CCDC141: variants seen among roughly 807,000 people sequenced by gnomAD.
The protein encoded by CCDC141 is coiled-coil domain-containing protein 141.
A neutral mutation model predicts 181.0 loss-of-function variants in CCDC141; 168 were observed. The ratio of observed to expected loss-of-function variants is 0.93; its 90% CI spans 0.82 to 1.05. The LOEUF (loss-of-function observed/expected upper bound fraction) is 1.05, where lower values mean the gene tolerates loss of function less well. Ranked by LOEUF, CCDC141 falls within the 50% of genes least tolerant of loss-of-function variation. The pLI is 0.00. For synonymous variants in CCDC141, 666 were observed against 642.3 expected, an observed-to-expected ratio of 1.04 and a Z score of -0.56; for missense variants, 1,902 against 1,788.5, an observed-to-expected ratio of 1.06 and a Z score of -1.14.
rs899412634 is a variant in CCDC141, at chr2:178,979,335, T to C, written c.226-660A>G. ...AAGGCATAATTTTTAAAGAGTACAG[T>C]AGACTAAAATAGTATGAATAAATTC... is the stretch of plus-strand genomic sequence containing the variant. On this transcript the variant is annotated intron_variant, in intron 2 of 23. Transcript: ENST00000443758. Among the ~76,000 whole-genome samples the C allele has an allele frequency of 3.9e-5, 6 of 152,200 alleles. No individual in the cohort carries two copies. In the South Asian group the frequency reaches 8.3e-4, roughly 21 times the overall value.
chr2:178,820,422 G>A, the CCDC141 span, among the ~76,000 whole-genome samples: 15 of 152,096 alleles, frequency 9.9e-5, 1 homozygote, highest in African/African-American at 3.1e-4. Context: ...TTTACAAATC[G>A]GATTCTCCTT....
chr2:178,895,175 C>G lies in CCDC141; in HGVS notation c.1266-6507G>C, dbSNP rs78596717. ...TAGAATATTCCATTATGTGCTTTCC[C>G]TTAAACTATTCAAACATTTCCCTAG... On this transcript the variant is annotated intron_variant, in intron 8 of 23. Coordinates refer to ENST00000443758, the MANE Select transcript of CCDC141 (RefSeq NM_173648.4). Among the ~76,000 whole-genome samples, 432 of 152,274 alleles carry G rather than the reference C, an allele frequency of 2.8e-3. 7 individuals are homozygous for G. Among genetic ancestry groups the G allele is most frequent in the East Asian group, 0.025 (132 of 5,184 alleles).
intron 8 of CCDC141, among the ~76,000 whole-genome samples, chr2:178,898,245 T>C (rs1687507585): frequency 6.6e-6 from 1 of 152,166 alleles, no homozygotes; most frequent in South Asian, 2.1e-4. Flanking sequence ...GGCTGCCTCT[T>C]GTGTTTTTCC....
At chr2:178,959,324 C>T (rs1397348656) in intron 5 of CCDC141, among the ~76,000 whole-genome samples, 2 of 151,114 alleles carry the variant, frequency 1.3e-5, no homozygotes, top group Non-Finnish European at 3.0e-5. Context: ...AAATAAAACA[C>T]TACAGAAAAA....
intron 7 of CCDC141, among the ~76,000 whole-genome samples, chr2:178,908,343 C>T (rs1343626617): frequency 1.3e-5 from 2 of 152,024 alleles, no homozygotes; most frequent in Non-Finnish European, 2.9e-5. Flanking sequence ...TATAGGCACA[C>T]ACCACCACAC....
At chr2:178,868,608 C>CAAAAAAA (rs71393439) in intron 15 of CCDC141, among the ~76,000 whole-genome samples, 1 of 85,584 alleles carries the variant, frequency 1.2e-5, no homozygotes, top group African/African-American at 5.0e-5. Flanking sequence ...ACTTGAAGTG[C>CAAAAAAA]AAAAAAAAAA....
intron 2 of CCDC141, among the ~76,000 whole-genome samples, chr2:179,009,326 G>C (rs1260462390): frequency 6.6e-6 from 1 of 152,130 alleles, no homozygotes; most frequent in Non-Finnish European, 1.5e-5. Context: ...CCCCCTGGGG[G>C]TTGAAAAGCC....
At chr2:179,027,488 CA>C (rs1255559134) in intron 2 of CCDC141, among the ~76,000 whole-genome samples, 2 of 150,398 alleles carry the variant, frequency 1.3e-5, no homozygotes, top group Non-Finnish European at 1.5e-5. Flanking sequence ...ACTAAAAATA[CA>C]AAAAAAATAG....
the CCDC141 span, among the ~76,000 whole-genome samples, chr2:178,817,249 T>C: frequency 6.6e-6 from 1 of 152,208 alleles, no homozygotes; most frequent in East Asian, 1.9e-4. Flanking sequence ...AACTTTTGTG[T>C]TTAGCTTCTG....
chr2:178,954,464 G>A (rs1459627056), intron 5 of CCDC141, among the ~76,000 whole-genome samples: 1 of 152,170 alleles, frequency 6.6e-6, no homozygotes, highest in East Asian at 1.9e-4. Flanking sequence ...GAAAGTATGT[G>A]TTTTTCGTTT....
intron 5 of CCDC141, among the ~76,000 whole-genome samples, chr2:178,955,987 G>A (rs1690147215): frequency 6.6e-6 from 1 of 152,204 alleles, no homozygotes; most frequent in Non-Finnish European, 1.5e-5. Context: ...TATGTAATAT[G>A]TTGGGCCTTC....
intron 23 of CCDC141, chr2:178,836,162 A>G (rs1684468509): frequency 2.0e-5 from 3 of 152,528 alleles, no homozygotes; most frequent in Admixed American, 6.5e-5. Context: ...AGTAACCCAC[A>G]TATTGAGAAA....
chr2:178,983,193 C>A (rs1418650847), intron 2 of CCDC141, among the ~76,000 whole-genome samples: 1 of 152,182 alleles, frequency 6.6e-6, no homozygotes, highest in Admixed American at 6.5e-5. Flanking sequence ...AGGCACCCTC[C>A]AGCAGGGGCA....
chr2:179,004,217 T>G (rs941528717), intron 2 of CCDC141, among the ~76,000 whole-genome samples: 47 of 152,206 alleles, frequency 3.1e-4, no homozygotes, highest in Non-Finnish European at 5.6e-4. Flanking sequence ...CATTAATGAT[T>G]AGGGAGATAC....
intron 2 of CCDC141, among the ~76,000 whole-genome samples, chr2:179,029,032 C>T (rs1434098029): frequency 2.6e-5 from 4 of 152,156 alleles, no homozygotes; most frequent in Admixed American, 6.5e-5. Context: ...AATGTAGCCT[C>T]ATCTCATATT....
intron 2 of CCDC141, among the ~76,000 whole-genome samples, chr2:178,984,007 T>C (rs1476606914): frequency 6.6e-6 from 1 of 151,046 alleles, no homozygotes; most frequent in Non-Finnish European, 1.5e-5. Flanking sequence ...CCAAAACACA[T>C]AATTGTCAGA....
At position 178,834,095 on chromosome 2, in the gene CCDC141, C is replaced by T; in HGVS notation, c.*78G>A. On this transcript the variant is annotated 3_prime_UTR_variant, in exon 24 of 24. Transcript: ENST00000443758. ...GATACACTTGGTGGGAGATGCTTTG[C>T]AGGAGGTGCAGGAAGATAAACGGCG... 1 of 1,390,492 alleles carries T rather than the reference C, an allele frequency of 7.2e-7. No homozygotes were observed. The highest frequency in any genetic ancestry group is 9.7e-7 in the Non-Finnish European group (1 of 1,026,906). The allele number at this position is 1,390,492 out of a possible 1,614,324, so 86.1% of individuals were successfully genotyped here. A position where few individuals can be genotyped will look rare whatever the true frequency, so the allele number is the denominator to read the frequency against.
Position 178,885,112 on chromosome 2 carries a change from G to C in CCDC141, c.1528-20C>G. Reference sequence around the variant, plus strand: ...TGTCTCCTGTAAAAGCAAAGCACTGGAGGTCAGAAACTGACAGGGGAATCA... The same window carrying C: ...TGTCTCCTGTAAAAGCAAAGCACTGCAGGTCAGAAACTGACAGGGGAATCA... On this transcript the variant is annotated intron_variant, in intron 10 of 23. Transcript: ENST00000443758. The C allele has an allele frequency of 1.3e-6, 2 of 1,524,310 alleles. No individual in the cohort carries two copies. The highest frequency in any genetic ancestry group is 1.8e-6 in the Non-Finnish European group (2 of 1,127,522). 94.4% of individuals were successfully genotyped at this position (1,524,310 alleles called of 1,614,324 possible). A position where few individuals can be genotyped will look rare whatever the true frequency, so the allele number is the denominator to read the frequency against.
In CCDC141 at chr2:178,980,463, A is replaced by C. The variant is rs1013717175; in HGVS notation, c.226-1788T>G. Among the ~76,000 whole-genome samples the C allele has an allele frequency of 4.6e-5, 7 of 152,344 alleles. No individual in the cohort carries two copies. In the East Asian group the frequency reaches 1.4e-3, roughly 29 times the overall value. On this transcript the variant is annotated intron_variant, in intron 2 of 23. Coordinates refer to ENST00000443758, the MANE Select transcript of CCDC141 (RefSeq NM_173648.4). ...AGACTCTGTCTCAAAAAAAGAAAAA[A>C]AAATGCAAGCAAAAACTGTCCTAAT... is the stretch of plus-strand genomic sequence containing the variant.
Sources: allele counts gnomAD v4.1 joint callset (sites outside exome capture counted in the v4.1 genomes callset), GRCh38; gene constraint gnomAD v4.1.1; transcripts MANE v1.5; gene names NCBI Gene and HGNC (gene_info 2026-07-23, HGNC 2026-07-21).